ERLIN2: variants seen among roughly 807,000 people sequenced by gnomAD.
The protein encoded by ERLIN2 is ER lipid raft associated 2.
ERLIN2 carries 22 observed loss-of-function variants against 41.5 expected under a neutral mutation model. The ratio of observed to expected loss-of-function variants is 0.53; its 90% CI spans 0.38 to 0.76. The LOEUF (loss-of-function observed/expected upper bound fraction) is 0.76. Ranked by LOEUF, ERLIN2 falls within the 30% of genes least tolerant of loss-of-function variation. The pLI is 0.00. For missense variants in ERLIN2, 247 were observed against 414.3 expected (o/e 0.60, Z 3.51); for synonymous variants, 149 against 150.9 (o/e 0.99, Z 0.09).
At chr8:37,743,945 C>T (rs1585905899) in intron 4 of ERLIN2, among the ~76,000 whole-genome samples, 2 of 152,130 alleles carry the variant, frequency 1.3e-5, no homozygotes, top group South Asian at 2.1e-4. Context: ...GGGAGTGTGA[C>T]ACCAAAGTAA....
At position 37,755,569 on chromosome 8, in the gene ERLIN2, A is replaced by ACCCCCCCCCCCCCCCCCCC. The variant is rs1305006911; in HGVS notation, c.*1466_*1467insCCCCCCCCCCCCCCCCCCC. ...AGCTGACCCCCACCCCCCACCCCCCACCCCCCCCCCCCGCCAACTCCTATA... is the reference window on the plus strand; with the variant it reads ...AGCTGACCCCCACCCCCCACCCCCCACCCCCCCCCCCCCCCCCCCCCCCCCCCCCCCGCCAACTCCTATA... On this transcript the variant is annotated 3_prime_UTR_variant, in exon 12 of 12. Transcript: ENST00000519638. The ACCCCCCCCCCCCCCCCCCC allele has an allele frequency of 5.2e-5, 3 of 57,582 alleles. No homozygotes were observed. Among genetic ancestry groups the ACCCCCCCCCCCCCCCCCCC allele is most frequent in the Non-Finnish European group, 6.4e-5 (2 of 31,142 alleles). 3.6% of individuals were successfully genotyped at this position (57,582 alleles called of 1,614,324 possible).
rs1000262965 is a variant in ERLIN2, at chr8:37,757,246, A to G, written c.*3131A>G. Reference sequence around the variant, plus strand: ...TATTTAAGTTTGATGGAGATAAACTATATCTTGGCTAGTGGCTACTGTGTC... The same window carrying G: ...TATTTAAGTTTGATGGAGATAAACTGTATCTTGGCTAGTGGCTACTGTGTC... On this transcript the variant is annotated 3_prime_UTR_variant, in exon 12 of 12. Coordinates refer to ENST00000519638, the MANE Select transcript of ERLIN2 (RefSeq NM_007175.8). 3 of 152,182 alleles carry G rather than the reference A, an allele frequency of 2.0e-5. No individual in the cohort carries two copies. Among genetic ancestry groups the G allele is most frequent in the Middle Eastern group, 3.2e-3 (1 of 316 alleles). 9.4% of individuals were successfully genotyped at this position (152,182 alleles called of 1,614,324 possible).
At chr8:37,739,902 C>G (rs1802790863) in intron 2 of ERLIN2, among the ~76,000 whole-genome samples, 1 of 151,934 alleles carries the variant, frequency 6.6e-6, no homozygotes, top group Admixed American at 6.6e-5. Context: ...ACCTCCCAGG[C>G]TCAAGCAATT....
intron 6 of ERLIN2, chr8:37,745,418 C>T: frequency 1.3e-6 from 1 of 754,174 alleles, no homozygotes; most frequent in Non-Finnish European, 2.3e-6. Flanking sequence ...GGCAACCTGA[C>T]TTAGCAGCAA....
intron 10 of ERLIN2, 109 bp from the exon 11 acceptor site, chr8:37,753,339 CAG>C (rs1306848409): frequency 6.6e-5 from 55 of 831,038 alleles, no homozygotes; most frequent in Non-Finnish European, 9.4e-5. Context: ...CAGAGGCAAT[CAG>C]GGGCGAAGTT....
At chr8:37,737,615 A>G in intron 1 of ERLIN2, 1 of 417,812 alleles carries the variant, frequency 2.4e-6, no homozygotes, top group Non-Finnish European at 4.5e-6. Flanking sequence ...ACAGGAAGAC[A>G]AGGCTGTGTT....
intron 1 of ERLIN2, chr8:37,737,287 G>A (rs1802683706): frequency 6.3e-6 from 1 of 159,586 alleles, no homozygotes; most frequent in Non-Finnish European, 1.4e-5. Context: ...AGTATATGGG[G>A]GGGAGTGTGG....
Position 37,750,413 on chromosome 8 carries a change from GCTT to G in ERLIN2, c.579_581del (p.Leu194del). 1.2e-6 allele frequency: 2 copies of G among 1,613,486 alleles called. No homozygotes were observed. The highest frequency in any genetic ancestry group is 1.7e-6 in the Non-Finnish European group (2 of 1,179,776). ...TCTTCAGGGAAAGTGAGAAGACAAA[GCTT>G]CTCATTGCCGCCCAGAAACAGAAGG... On this transcript the variant is annotated inframe_deletion, in exon 9 of 12. Coordinates refer to ENST00000519638, the MANE Select transcript of ERLIN2 (RefSeq NM_007175.8).
At chr8:37,740,079 G>T (rs529212156) in intron 2 of ERLIN2, among the ~76,000 whole-genome samples, 1 of 152,074 alleles carries the variant, frequency 6.6e-6, no homozygotes, top group Non-Finnish European at 1.5e-5. Context: ...CCCGCAAAGC[G>T]CTGGGACTGC....
chr8:37,749,315 A>G (rs1037213971), intron 6 of ERLIN2, among the ~76,000 whole-genome samples: 1 of 152,174 alleles, frequency 6.6e-6, no homozygotes, highest in Non-Finnish European at 1.5e-5. Flanking sequence ...TTCAGAACAA[A>G]GGTTGAGTTT....
chr8:37,753,766 C>T, intron 11 of ERLIN2, 149 bp from the exon 12 acceptor site: 1 of 794,406 alleles, frequency 1.3e-6, no homozygotes, highest in Non-Finnish European at 2.1e-6. Flanking sequence ...GCTCCAAGAT[C>T]TGAGATGACT....
chr8:37,747,415 C>T (rs541924428), intron 6 of ERLIN2: 1 of 1,603,636 alleles, frequency 6.2e-7, no homozygotes, highest in East Asian at 2.2e-5. Flanking sequence ...TTGCAGTGGC[C>T]TCTTGCTCAT....
In ERLIN2 at chr8:37,745,284, A is replaced by T. The variant is rs553276190; in HGVS notation, c.424+588A>T. The T allele has an allele frequency of 3.8e-4, 193 of 503,664 alleles. 4 individuals carry two copies. In the Middle Eastern group the frequency reaches 4.2e-3, roughly 11 times the overall value. 31.2% of individuals were successfully genotyped at this position (503,664 alleles called of 1,614,324 possible). A position where few individuals can be genotyped will look rare whatever the true frequency, so the allele number is the denominator to read the frequency against. Reference sequence around the variant, plus strand: ...AACCATAGCTCCTTCCAGTTCTCAGAACCTTTGTGATTATTATTTTTTTAC... The same window carrying T: ...AACCATAGCTCCTTCCAGTTCTCAGTACCTTTGTGATTATTATTTTTTTAC... On this transcript the variant is annotated intron_variant, in intron 6 of 11. Transcript: ENST00000519638.
chr8:37,756,202 C>G lies in ERLIN2; in HGVS notation c.*2087C>G, dbSNP rs544480623. 6.6e-6 allele frequency: 1 copy of G among 152,260 alleles called. No individual in the cohort carries two copies. Among genetic ancestry groups the G allele is most frequent in the Admixed American group, 6.5e-5 (1 of 15,286 alleles). The allele number at this position is 152,260 out of a possible 1,614,324, so 9.4% of individuals were successfully genotyped here. ...AGGCTCCGTCTCAAGAAAAGAAGGT[C>G]ATTTCCCAAGACTAGCATAGGGAGT... On this transcript the variant is annotated 3_prime_UTR_variant, in exon 12 of 12. Transcript: ENST00000519638.
intron 7 of ERLIN2, 36 bp downstream of exon 7, chr8:37,749,668 C>T (rs1337568231): frequency 6.4e-7 from 1 of 1,571,866 alleles, no homozygotes; most frequent in Non-Finnish European, 8.8e-7. Context: ...CCCTCTCTCT[C>T]TGACACTGCT....
intron 10 of ERLIN2, 65 bp downstream of exon 10, chr8:37,751,780 G>T: frequency 8.1e-7 from 1 of 1,235,970 alleles, no homozygotes; most frequent in South Asian, 1.2e-5. Context: ...AGTGGGTTGG[G>T]GAGCCATTGC....
chr8:37,736,848 G>T, intron 1 of ERLIN2, 170 bp downstream of exon 1: 3 of 985,936 alleles, frequency 3.0e-6, no homozygotes, highest in Non-Finnish European at 3.6e-6. Flanking sequence ...CTTGCGAGCC[G>T]CAGGGGGACC....
chr8:37,746,396 C>G (rs1430549493), intron 6 of ERLIN2: 2 of 985,298 alleles, frequency 2.0e-6, no homozygotes. Flanking sequence ...ACTTTTTTTC[C>G]TGTCCCAACA....
chr8:37,739,419 C>T (rs994298779), intron 2 of ERLIN2, among the ~76,000 whole-genome samples: 5 of 152,048 alleles, frequency 3.3e-5, no homozygotes, highest in East Asian at 1.9e-4. Flanking sequence ...TATTACTGGA[C>T]TTAACTGCCC....
Sources: gnomAD v4.1 joint callset for allele counts (sites outside exome capture counted in the v4.1 genomes callset) on GRCh38, gnomAD v4.1.1 for gene constraint, MANE v1.5 for transcripts, NCBI Gene and HGNC (gene_info 2026-07-23, HGNC 2026-07-21) for gene names.